The following FOXP2 variants were observed in gnomAD, a reference collection of about 807,000 sequenced individuals.
FOXP2 encodes forkhead box P2.
FOXP2 carries 12 observed loss-of-function variants against 115.8 expected under a neutral mutation model. The observed-to-expected ratio is 0.10, with a 90% CI of 0.07 to 0.17. The LOEUF is 0.17. Among genes scored for constraint, FOXP2 ranks in the 10% least tolerant of loss-of-function variants. The pLI is 1.00. For synonymous variants in FOXP2, 328 were observed against 297.7 expected, an observed-to-expected ratio of 1.10 and a Z score of -1.05; for missense variants, 629 against 843.5, an observed-to-expected ratio of 0.75 and a Z score of 3.15.
chr7:114,591,875 C>G (rs545906866), intron 3 of FOXP2, among the ~76,000 whole-genome samples: 1 of 151,896 alleles, frequency 6.6e-6, no homozygotes, highest in Non-Finnish European at 1.5e-5. Context: ...TCTGTGGTGT[C>G]CAACAGAGGA....
chr7:114,400,730 G>A (rs756915647), intron 2 of FOXP2, among the ~76,000 whole-genome samples: 1 of 152,038 alleles, frequency 6.6e-6, no homozygotes, highest in Admixed American at 6.6e-5. Flanking sequence ...TAGGGTTCAC[G>A]TTCCTATGAG....
chr7:114,505,835 G>A (rs896033154), intron 2 of FOXP2, among the ~76,000 whole-genome samples: 1 of 151,528 alleles, frequency 6.6e-6, no homozygotes, highest in African/African-American at 2.4e-5. Context: ...ATAAGGGCGG[G>A]GGTAGTTGGG....
At chr7:114,317,314 C>A (rs373973784) in intron 2 of FOXP2, among the ~76,000 whole-genome samples, 1 of 152,010 alleles carries the variant, frequency 6.6e-6, no homozygotes, top group Admixed American at 6.6e-5. Context: ...AGCAATAGAT[C>A]GAAACCAATA....
At chr7:114,132,391 A>G (rs1791902669) in intron 1 of FOXP2, among the ~76,000 whole-genome samples, 1 of 152,142 alleles carries the variant, frequency 6.6e-6, no homozygotes, top group Non-Finnish European at 1.5e-5. Flanking sequence ...CTAGGCATTG[A>G]AGATACAGCA....
intron 1 of FOXP2, among the ~76,000 whole-genome samples, chr7:114,253,391 G>A (rs1170557118): frequency 2.0e-5 from 3 of 152,074 alleles, no homozygotes; most frequent in African/African-American, 4.8e-5. Flanking sequence ...TGACAGTGGG[G>A]CGTTAAAGTC....
At chr7:114,086,474 C>G (rs1005093812), upstream of FOXP2, 12 of 327,216 alleles carry the variant, frequency 3.7e-5, no homozygotes, top group South Asian at 1.3e-4. Context: ...CTTCCTCGGC[C>G]CCCCCCCTCC....
intron 3 of FOXP2, among the ~76,000 whole-genome samples, chr7:114,617,910 C>T (rs2129321605): frequency 6.6e-6 from 1 of 152,330 alleles, no homozygotes; most frequent in Non-Finnish European, 1.5e-5. Context: ...GTATTCCATA[C>T]CCCTAGTCAT....
chr7:114,546,927 T>A (rs892820477), intron 3 of FOXP2, among the ~76,000 whole-genome samples: 4 of 152,192 alleles, frequency 2.6e-5, no homozygotes, highest in Admixed American at 2.6e-4. Context: ...CCAAATTGAA[T>A]TGGATTTTGT....
At chr7:114,157,168 G>A (rs965156734) in intron 1 of FOXP2, among the ~76,000 whole-genome samples, 4 of 151,982 alleles carry the variant, frequency 2.6e-5, no homozygotes, top group Admixed American at 2.6e-4. Flanking sequence ...TCATAATAAA[G>A]TTACATTGTT....
chr7:114,589,413 C>G (rs966470831), intron 3 of FOXP2, among the ~76,000 whole-genome samples: 2 of 152,072 alleles, frequency 1.3e-5, no homozygotes, highest in African/African-American at 4.8e-5. Flanking sequence ...CAAGTTTCAC[C>G]TTAGGATCTT....
intron 10 of FOXP2, among the ~76,000 whole-genome samples, chr7:114,655,405 A>G (rs916538148): frequency 6.6e-6 from 1 of 152,206 alleles, no homozygotes; most frequent in African/African-American, 2.4e-5. Flanking sequence ...GAAGTATTAC[A>G]TTACATAAAC....
chr7:114,331,281 A>T (rs967559428), intron 2 of FOXP2, among the ~76,000 whole-genome samples: 4 of 152,210 alleles, frequency 2.6e-5, no homozygotes, highest in Admixed American at 2.6e-4. Context: ...AAGTCCTGTT[A>T]TAAAGAATTT....
Position 114,454,875 on chromosome 7 carries a change from G to C in FOXP2, c.168+28196G>C, listed in dbSNP as rs1370531490. 3.5e-5 allele frequency among the ~76,000 whole-genome samples: 4 copies of C among 113,260 alleles called. No homozygotes were observed. The East Asian group carries it at 9.0e-4, about 25-fold the overall frequency. 74.3% of individuals were successfully genotyped at this position (113,260 alleles called of 152,430 possible). A position where few individuals can be genotyped will look rare whatever the true frequency, so the allele number is the denominator to read the frequency against. The stretch of plus-strand genomic sequence containing the variant: ...CACACTCTGGGGACTGTGGTGGGGT[G>C]GGGGGAGGGGGGAGGGATAGCATTG... On this transcript the variant is annotated intron_variant, in intron 2 of 16. Transcript: ENST00000350908.
At chr7:114,672,692 C>T (rs920766662) in intron 16 of FOXP2, among the ~76,000 whole-genome samples, 26 of 152,082 alleles carry the variant, frequency 1.7e-4, no homozygotes, top group Non-Finnish European at 1.5e-5. Flanking sequence ...GAGTTTGAGT[C>T]AGTTCTGTGG....
intron 1 of FOXP2, among the ~76,000 whole-genome samples, chr7:114,176,467 G>A (rs369283234): frequency 9.6e-4 from 146 of 151,714 alleles, no homozygotes; most frequent in Middle Eastern, 3.4e-3. Flanking sequence ...GCTCCCCTGA[G>A]TAGCTGGGAC....
intron 2 of FOXP2, among the ~76,000 whole-genome samples, chr7:114,489,290 T>C (rs549064971): frequency 1.2e-4 from 19 of 152,104 alleles, no homozygotes; most frequent in Non-Finnish European, 2.4e-4. Context: ...TTTATATAAG[T>C]TGGGTTTTTT....
intron 1 of FOXP2, among the ~76,000 whole-genome samples, chr7:114,164,753 T>G (rs1393878767): frequency 6.6e-6 from 1 of 152,326 alleles, no homozygotes; most frequent in Admixed American, 6.5e-5. Flanking sequence ...AAAAATGTGA[T>G]GAAACTTTAA....
chr7:114,690,482 T>A lies in FOXP2; in HGVS notation c.*556T>A, dbSNP rs1202002838. On this transcript the variant is annotated 3_prime_UTR_variant, in exon 17 of 17. Coordinates refer to ENST00000350908, the MANE Select transcript of FOXP2 (RefSeq NM_014491.4). ...TGAATTTTAAACAACAGAACATTAG[T>A]TTTTTATGTTGGTGCCACCAACTGT... The A allele has an allele frequency of 2.2e-6, 1 of 453,848 alleles. No individual in the cohort carries two copies. Among genetic ancestry groups the A allele is most frequent in the Non-Finnish European group, 4.4e-6 (1 of 226,748 alleles). 28.1% of individuals were successfully genotyped at this position (453,848 alleles called of 1,614,324 possible). A position where few individuals can be genotyped will look rare whatever the true frequency, so the allele number is the denominator to read the frequency against.
At chr7:114,454,392 G>A in intron 2 of FOXP2, among the ~76,000 whole-genome samples, 1 of 151,984 alleles carries the variant, frequency 6.6e-6, no homozygotes, top group Non-Finnish European at 1.5e-5. Context: ...AGGATGTGGA[G>A]AAATAGGAAC....
Sources: gnomAD v4.1 joint callset for allele counts (sites outside exome capture counted in the v4.1 genomes callset) on GRCh38, gnomAD v4.1.1 for gene constraint, MANE v1.5 for transcripts, NCBI Gene and HGNC (gene_info 2026-07-23, HGNC 2026-07-21) for gene names.